The following RGPD4 variants were observed in gnomAD, a reference collection of about 807,000 sequenced individuals.
RGPD4 encodes ranBP2-like and GRIP domain-containing protein 4.
RGPD4 carries 84 observed loss-of-function variants against 141.1 expected under a neutral mutation model. The observed-to-expected ratio is 0.60, with a 90% CI of 0.50 to 0.71. RGPD4 has a LOEUF of 0.71. Ranked by LOEUF, RGPD4 falls within the 30% of genes least tolerant of loss-of-function variation. The probability of loss-of-function intolerance (pLI) is 0.00; values close to 1 mark genes in which losing one functional copy is unlikely to be tolerated. For synonymous variants in RGPD4, 298 were observed against 566.8 expected, an observed-to-expected ratio of 0.53 and a Z score of 6.74; for missense variants, 918 against 1,622.4, an observed-to-expected ratio of 0.57 and a Z score of 7.46.
intron 20 of RGPD4, among the ~76,000 whole-genome samples, chr2:107,875,081 A>T (rs1683050578): frequency 9.5e-6 from 1 of 105,214 alleles, no homozygotes; most frequent in Non-Finnish European, 2.0e-5. Context: ...CAGAGGGATC[A>T]CTTGAGCCCA....
chr2:107,888,764 A>C (rs1284657448), intron 22 of RGPD4, among the ~76,000 whole-genome samples: 1 of 103,788 alleles, frequency 9.6e-6, no homozygotes, highest in East Asian at 2.1e-4. Flanking sequence ...GAGGCAAGGA[A>C]CACAGGCCAT....
At chr2:107,876,758 C>T (rs915754690) in intron 20 of RGPD4, among the ~76,000 whole-genome samples, 3 of 151,656 alleles carry the variant, frequency 2.0e-5, no homozygotes, top group African/African-American at 7.3e-5. Context: ...AAAGCAACTT[C>T]AGAAGAATTT....
intron 21 of RGPD4, among the ~76,000 whole-genome samples, chr2:107,882,455 C>T (rs558898715): frequency 4.0e-5 from 6 of 151,152 alleles, no homozygotes; most frequent in South Asian, 2.1e-4. Flanking sequence ...GTTGGAGTTC[C>T]GGTTTTCATG....
chr2:107,883,635 A>C (rs1480536154), intron 22 of RGPD4, among the ~76,000 whole-genome samples: 3 of 57,714 alleles, frequency 5.2e-5, no homozygotes, highest in Non-Finnish European at 1.1e-4. Context: ...CAAAAAAAAA[A>C]AAAACAAAAA....
Position 107,876,855 on chromosome 2 carries a change from TA to T in RGPD4, c.4925-3111del, listed in dbSNP as rs199523076. Among the ~76,000 whole-genome samples, 83 of 152,278 alleles carry T rather than the reference TA, an allele frequency of 5.5e-4. No individual in the cohort carries two copies. The East Asian group carries it at 0.016, about 29-fold the overall frequency. On this transcript the variant is annotated intron_variant, in intron 20 of 22. Coordinates refer to ENST00000408999, the MANE Select transcript of RGPD4 (RefSeq NM_182588.3). The stretch of plus-strand genomic sequence containing the variant: ...TGTAATCTAGCAATCAGCAGTGGAA[TA>T]AGCAGTCAGCTTACCAGAAACCCAG...
In RGPD4 at chr2:107,858,499, C is replaced by T. The variant is rs529480373; in HGVS notation, c.1277-615C>T. Among the ~76,000 whole-genome samples the T allele has an allele frequency of 3.7e-4, 56 of 150,358 alleles. 1 individual carries two copies. Among genetic ancestry groups the T allele is most frequent in the African/African-American group, 1.2e-3 (49 of 40,616 alleles). On this transcript the variant is annotated intron_variant, in intron 9 of 22. Coordinates refer to ENST00000408999, the MANE Select transcript of RGPD4 (RefSeq NM_182588.3). ...TGTCACCCAGGCTGGAGCACAGTGG[C>T]GCAATCTTGGCTCACTGCAACTTCC...
At chr2:107,855,468 T>G (rs1383336815) in intron 8 of RGPD4, among the ~76,000 whole-genome samples, 1 of 151,984 alleles carries the variant, frequency 6.6e-6, no homozygotes, top group East Asian at 1.9e-4. Flanking sequence ...CTCTCATAAG[T>G]GCCTTTGCGT....
chr2:107,886,044 A>C (rs1368121143), intron 22 of RGPD4, among the ~76,000 whole-genome samples: 1 of 118,436 alleles, frequency 8.4e-6, no homozygotes, highest in Admixed American at 8.8e-5. Flanking sequence ...CAAGATCAAA[A>C]CTCTTATCTC....
rs894812546 is a variant in RGPD4, at chr2:107,826,892, A to C, written c.-122A>C. On this transcript the variant is annotated 5_prime_UTR_variant, in exon 1 of 23. Coordinates refer to ENST00000408999, the MANE Select transcript of RGPD4 (RefSeq NM_182588.3). ...TGTTGACGCAGGACACAAGTTCGTC[A>C]CAGTGGTCCTCCGCCGGCTACGCGG... 2.6e-6 allele frequency: 4 copies of C among 1,540,128 alleles called. No individual in the cohort carries two copies. The South Asian group carries it at 4.8e-5, about 18-fold the overall frequency.
At chr2:107,844,834 T>TG (rs1681863194) in intron 6 of RGPD4, among the ~76,000 whole-genome samples, 2 of 90,250 alleles carry the variant, frequency 2.2e-5, no homozygotes, top group African/African-American at 9.2e-5. Context: ...TTTTTTGTTT[T>TG]TTTTTTTTTT....
chr2:107,833,962 G>A (rs570269852), intron 1 of RGPD4, among the ~76,000 whole-genome samples: 15 of 151,736 alleles, frequency 9.9e-5, no homozygotes, highest in South Asian at 8.4e-4. Context: ...AGCTGAGATC[G>A]AGCCACCGCA....
chr2:107,857,408 G>A (rs1228409659), intron 9 of RGPD4, among the ~76,000 whole-genome samples: 3 of 149,422 alleles, frequency 2.0e-5, no homozygotes, highest in African/African-American at 2.5e-5. Flanking sequence ...CAAAGTGCTG[G>A]GATTACAGGT....
At chr2:107,858,359 G>A (rs1229798842) in intron 9 of RGPD4, among the ~76,000 whole-genome samples, 2 of 152,304 alleles carry the variant, frequency 1.3e-5, no homozygotes, top group East Asian at 3.9e-4. Context: ...CAAAATGACA[G>A]AAAGATTATA....
At chr2:107,870,561 A>G (rs2556260) in intron 19 of RGPD4, 144 bp from the exon 20 acceptor site, 5 of 742,576 alleles carry the variant, frequency 6.7e-6, no homozygotes, top group East Asian at 2.7e-5. Flanking sequence ...GCACATTAAT[A>G]AATGCTCAAT....
chr2:107,857,775 T>G (rs1415139075), intron 9 of RGPD4, among the ~76,000 whole-genome samples: 1 of 151,280 alleles, frequency 6.6e-6, no homozygotes, highest in Non-Finnish European at 1.5e-5. Flanking sequence ...GCAGATCACC[T>G]GAGATCAGGA....
intron 1 of RGPD4, among the ~76,000 whole-genome samples, chr2:107,833,958 G>A (rs531027455): frequency 5.5e-4 from 83 of 151,654 alleles, no homozygotes; most frequent in African/African-American, 2.0e-3. Flanking sequence ...AGTGAGCTGA[G>A]ATCGAGCCAC....
At chr2:107,829,263 G>A (rs1163842560) in intron 1 of RGPD4, among the ~76,000 whole-genome samples, 5 of 32,754 alleles carry the variant, frequency 1.5e-4, no homozygotes, top group African/African-American at 6.0e-4. Flanking sequence ...CTGTTGAGGC[G>A]GCGGCCTTGA....
chr2:107,858,368 T>C (rs1460035226), intron 9 of RGPD4, among the ~76,000 whole-genome samples: 1 of 152,210 alleles, frequency 6.6e-6, no homozygotes, highest in Non-Finnish European at 1.5e-5. Context: ...AGAAAGATTA[T>C]ACCTCTTCAT....
At chr2:107,833,969 C>G (rs760870285) in intron 1 of RGPD4, among the ~76,000 whole-genome samples, 1 of 151,312 alleles carries the variant, frequency 6.6e-6, no homozygotes, top group Non-Finnish European at 1.5e-5. Context: ...ATCGAGCCAC[C>G]GCACTCCAGC....
Sources: allele counts gnomAD v4.1 joint callset (sites outside exome capture counted in the v4.1 genomes callset), GRCh38; gene constraint gnomAD v4.1.1; transcripts MANE v1.5; gene names NCBI Gene and HGNC (gene_info 2026-07-23, HGNC 2026-07-21).